Variants in MDFIC2 observed in about 807,000 individuals in gnomAD.
The protein encoded by MDFIC2 is myoD family inhibitor domain-containing protein 2.
At chr3:70,209,610 G>A (rs1211116635) in intron 2 of MDFIC2, among the ~76,000 whole-genome samples, 1 of 152,098 alleles carries the variant, frequency 6.6e-6, no homozygotes, top group Non-Finnish European at 1.5e-5. Flanking sequence ...TCCTTATTCA[G>A]TAGTAGAACT....
intron 2 of MDFIC2, among the ~76,000 whole-genome samples, chr3:70,297,568 T>C (rs2106698801): frequency 6.6e-6 from 1 of 152,234 alleles, no homozygotes; most frequent in African/African-American, 2.4e-5. Flanking sequence ...TGGAGCAATA[T>C]GTATATTTGT....
chr3:70,215,043 G>T (rs1187980269), intron 2 of MDFIC2, among the ~76,000 whole-genome samples: 1 of 152,014 alleles, frequency 6.6e-6, no homozygotes, highest in African/African-American at 2.4e-5. Context: ...AAATATAAAT[G>T]TTAAAAATAA....
chr3:70,308,782 A>G (rs1207940616), intron 2 of MDFIC2, among the ~76,000 whole-genome samples: 3 of 152,120 alleles, frequency 2.0e-5, no homozygotes, highest in Non-Finnish European at 4.4e-5. Flanking sequence ...AGAAGTTAGA[A>G]ATAATAGCAG....
At chr3:70,216,555 A>G (rs1701414141) in intron 2 of MDFIC2, among the ~76,000 whole-genome samples, 1 of 152,106 alleles carries the variant, frequency 6.6e-6, no homozygotes, top group Admixed American at 6.6e-5. Flanking sequence ...CCTGGCTCCA[A>G]GTCCATGTTC....
At chr3:70,220,788 C>A (rs1701454769) in intron 2 of MDFIC2, among the ~76,000 whole-genome samples, 2 of 152,192 alleles carry the variant, frequency 1.3e-5, no homozygotes, top group Admixed American at 6.5e-5. Context: ...TTCAGTCTCT[C>A]TGAAGCGTTC....
intron 2 of MDFIC2, among the ~76,000 whole-genome samples, chr3:70,229,883 T>C (rs907947797): frequency 1.3e-5 from 2 of 152,174 alleles, no homozygotes; most frequent in Non-Finnish European, 2.9e-5. Flanking sequence ...ACATGTTAAT[T>C]TGGGATACAA....
chr3:70,226,470 G>A (rs1575601512), intron 2 of MDFIC2, among the ~76,000 whole-genome samples: 1 of 152,298 alleles, frequency 6.6e-6, no homozygotes, highest in Admixed American at 6.5e-5. Context: ...GGGCGCAGTG[G>A]CTCACGCCTG....
intron 2 of MDFIC2, among the ~76,000 whole-genome samples, chr3:70,270,531 G>A (rs1289878772): frequency 1.3e-5 from 2 of 152,248 alleles, no homozygotes; most frequent in African/African-American, 2.4e-5. Context: ...TCTCAAGTAT[G>A]TATATACATG....
At chr3:70,279,348 C>G (rs1211570384) in intron 2 of MDFIC2, among the ~76,000 whole-genome samples, 1 of 151,992 alleles carries the variant, frequency 6.6e-6, no homozygotes, top group Non-Finnish European at 1.5e-5. Flanking sequence ...GATTTGAAAC[C>G]AAATCCATTC....
chr3:70,235,909 C>T (rs146341498), intron 2 of MDFIC2, among the ~76,000 whole-genome samples: 1 of 152,134 alleles, frequency 6.6e-6, no homozygotes, highest in South Asian at 2.1e-4. Flanking sequence ...GTTCAATGGA[C>T]GTAAGCTTCC....
intron 2 of MDFIC2, among the ~76,000 whole-genome samples, chr3:70,268,112 T>C (rs1305820133): frequency 2.6e-5 from 4 of 151,600 alleles, no homozygotes; most frequent in Non-Finnish European, 4.4e-5. Context: ...CACTGCAAAA[T>C]TGGGCAGAAG....
At chr3:70,271,429 T>C (rs1333124283) in intron 2 of MDFIC2, among the ~76,000 whole-genome samples, 2 of 152,192 alleles carry the variant, frequency 1.3e-5, no homozygotes, top group Admixed American at 6.5e-5. Context: ...AGATTCAGTA[T>C]CATCAAATCT....
intron 2 of MDFIC2, among the ~76,000 whole-genome samples, chr3:70,226,770 C>T (rs1383153063): frequency 1.3e-5 from 2 of 149,580 alleles, no homozygotes; most frequent in Non-Finnish European, 1.5e-5. Flanking sequence ...TGTGCAATTT[C>T]CAGGTGGCAA....
intron 2 of MDFIC2, among the ~76,000 whole-genome samples, chr3:70,294,110 A>C (rs1384260729): frequency 6.6e-6 from 1 of 152,162 alleles, no homozygotes; most frequent in Non-Finnish European, 1.5e-5. Context: ...TAAGTTTCCT[A>C]TTCTCAGTGT....
At chr3:70,273,960 C>G (rs2106674361) in intron 2 of MDFIC2, among the ~76,000 whole-genome samples, 1 of 152,012 alleles carries the variant, frequency 6.6e-6, no homozygotes, top group South Asian at 2.1e-4. Flanking sequence ...CTGCACCCGG[C>G]CCAGAATTTT....
chr3:70,223,552 T>C (rs1292420116), intron 2 of MDFIC2, among the ~76,000 whole-genome samples: 1 of 152,106 alleles, frequency 6.6e-6, no homozygotes, highest in Non-Finnish European at 1.5e-5. Context: ...GCTGAGGTTG[T>C]CTCCCCCACC....
At chr3:70,276,050 G>T (rs549927296) in intron 2 of MDFIC2, among the ~76,000 whole-genome samples, 109 of 152,016 alleles carry the variant, frequency 7.2e-4, no homozygotes, top group Middle Eastern at 6.8e-3. Context: ...TTAAAAAAAA[G>T]TATATATACT....
chr3:70,290,723 G>A (rs374282337), intron 2 of MDFIC2, among the ~76,000 whole-genome samples: 92 of 152,224 alleles, frequency 6.0e-4, no homozygotes, highest in African/African-American at 1.4e-3. Context: ...CTCCGTGGGC[G>A]TAGGACCCTC....
At chr3:70,265,015 C>G (rs1257619844) in intron 2 of MDFIC2, among the ~76,000 whole-genome samples, 2 of 152,128 alleles carry the variant, frequency 1.3e-5, no homozygotes, top group Non-Finnish European at 2.9e-5. Context: ...CAGGGGAACT[C>G]CCCTTTATAA....
Sources: gnomAD v4.1 joint callset for allele counts (sites outside exome capture counted in the v4.1 genomes callset) on GRCh38, gnomAD v4.1.1 for gene constraint, MANE v1.5 for transcripts, NCBI Gene and HGNC (gene_info 2026-07-23, HGNC 2026-07-21) for gene names.